OXR1: variants seen among roughly 807,000 people sequenced by gnomAD.
OXR1 encodes the protein oxidation resistance protein 1.
OXR1 carries 41 observed loss-of-function variants against 104.6 expected under a neutral mutation model. The ratio of observed to expected loss-of-function variants is 0.39; its 90% confidence interval spans 0.31 to 0.51. OXR1 has a LOEUF of 0.51. Among genes scored for constraint, OXR1 ranks in the 20% least tolerant of loss-of-function variants. The pLI is 0.77. For missense variants in OXR1, 955 were observed against 1,031.9 expected, an observed-to-expected ratio of 0.93 and a Z score of 1.02; for synonymous variants, 348 against 348.4, an observed-to-expected ratio of 1.00 and a Z score of 0.01.
chr8:106,431,844 A>G (rs1819372523), intron 2 of OXR1, among the ~76,000 whole-genome samples: 1 of 152,244 alleles, frequency 6.6e-6, no homozygotes, highest in Non-Finnish European at 1.5e-5. Flanking sequence ...TACAAAGGTA[A>G]TAAAGCAAAC....
At chr8:106,692,295 T>C (rs1244909528) in intron 6 of OXR1, among the ~76,000 whole-genome samples, 1 of 152,016 alleles carries the variant, frequency 6.6e-6, no homozygotes, top group Non-Finnish European at 1.5e-5. Flanking sequence ...TAAGGTAAGC[T>C]TTCCACCTTT....
chr8:106,679,662 TAAAAG>T (rs1244596369), intron 4 of OXR1, among the ~76,000 whole-genome samples: 1 of 152,006 alleles, frequency 6.6e-6, no homozygotes, highest in Non-Finnish European at 1.5e-5. Context: ...ATGGGATACA[TAAAAG>T]AAAAGTTGAT....
chr8:106,742,446 A>G, intron 15 of OXR1, 129 bp downstream of exon 15: 2 of 585,438 alleles, frequency 3.4e-6, no homozygotes, highest in Admixed American at 3.6e-5. Context: ...AGGAAAAACT[A>G]TTTTAAAGTT....
chr8:106,597,922 G>A (rs1428941646), intron 3 of OXR1, among the ~76,000 whole-genome samples: 1 of 152,014 alleles, frequency 6.6e-6, no homozygotes, highest in Non-Finnish European at 1.5e-5. Context: ...TCCCTTTCTT[G>A]CCTTTGGACT....
intron 3 of OXR1, among the ~76,000 whole-genome samples, chr8:106,613,679 G>A (rs1586898917): frequency 1.3e-5 from 2 of 152,282 alleles, no homozygotes; most frequent in South Asian, 2.1e-4. Context: ...GATTACAGGC[G>A]TGAGCCACTG....
At position 106,425,083 on chromosome 8, in the gene OXR1, G is replaced by GTT. The variant is rs748444311; in HGVS notation, c.23+65472_23+65473dup. The stretch of plus-strand genomic sequence containing the variant: ...TTAGCAGGGTTTTTTGTTTGGTTTG[G>GTT]TTTTTTTTTTTTTTTTTTTTTTTTT... On this transcript the variant is annotated intron_variant, in intron 2 of 16. Transcript: ENST00000517566. Among the ~76,000 whole-genome samples the GTT allele has an allele frequency of 1.8e-3, 151 of 83,644 alleles. 5 individuals carry two copies. The highest frequency in any genetic ancestry group is 2.9e-3 in the Admixed American group (21 of 7,168). 54.9% of individuals were successfully genotyped at this position (83,644 alleles called of 152,430 possible).
chr8:106,399,127 C>T (rs1307737643), intron 2 of OXR1, among the ~76,000 whole-genome samples: 1 of 152,128 alleles, frequency 6.6e-6, no homozygotes, highest in Admixed American at 6.6e-5. Flanking sequence ...GAAGTAACTA[C>T]CACTTAGACA....
intron 1 of OXR1, among the ~76,000 whole-genome samples, chr8:106,294,468 C>T (rs1362687107): frequency 6.6e-6 from 1 of 150,730 alleles, no homozygotes; most frequent in South Asian, 2.1e-4. Context: ...GGTTAGCTGT[C>T]TCAGGGTTCT....
chr8:106,508,402 A>T (rs1031508710), intron 2 of OXR1, among the ~76,000 whole-genome samples: 7 of 152,192 alleles, frequency 4.6e-5, no homozygotes, highest in African/African-American at 1.7e-4. Flanking sequence ...TATTGGGAGC[A>T]CTACATAGCT....
At chr8:106,351,802 C>G (rs1815736982) in intron 1 of OXR1, among the ~76,000 whole-genome samples, 1 of 152,296 alleles carries the variant, frequency 6.6e-6, no homozygotes, top group African/African-American at 2.4e-5. Flanking sequence ...ATTGTATGAA[C>G]TCACTATGTG....
intron 1 of OXR1, among the ~76,000 whole-genome samples, chr8:106,326,597 A>G (rs1190106998): frequency 6.6e-6 from 1 of 152,242 alleles, no homozygotes; most frequent in Non-Finnish European, 1.5e-5. Context: ...TACAGTTGTC[A>G]AGGGAGGACT....
intron 2 of OXR1, among the ~76,000 whole-genome samples, chr8:106,363,767 T>C (rs934842222): frequency 3.3e-5 from 5 of 152,266 alleles, no homozygotes; most frequent in Middle Eastern, 6.8e-3. Context: ...TTTTATACGA[T>C]TGTAAATATT....
intron 1 of OXR1, among the ~76,000 whole-genome samples, chr8:106,348,706 A>G (rs1278582525): frequency 6.6e-6 from 1 of 152,218 alleles, no homozygotes; most frequent in Admixed American, 6.5e-5. Context: ...AGTACAATAA[A>G]GTACACCTGA....
intron 3 of OXR1, among the ~76,000 whole-genome samples, chr8:106,573,243 C>T (rs1817597802): frequency 6.6e-6 from 1 of 151,872 alleles, no homozygotes; most frequent in South Asian, 2.1e-4. Context: ...CAAGAACCAC[C>T]CCACCCCTGC....
At chr8:106,302,308 C>A (rs902046532) in intron 1 of OXR1, among the ~76,000 whole-genome samples, 1 of 152,096 alleles carries the variant, frequency 6.6e-6, no homozygotes, top group East Asian at 1.9e-4. Flanking sequence ...ATCAGCCGAG[C>A]GCGGTGGCTC....
intron 3 of OXR1, among the ~76,000 whole-genome samples, chr8:106,521,345 G>A (rs1257965755): frequency 6.6e-6 from 1 of 152,132 alleles, no homozygotes; most frequent in Non-Finnish European, 1.5e-5. Context: ...ACAGGTAAGT[G>A]TTACACCCTA....
chr8:106,533,881 T>C (rs964714203), intron 3 of OXR1, among the ~76,000 whole-genome samples: 4 of 151,946 alleles, frequency 2.6e-5, no homozygotes, highest in Non-Finnish European at 4.4e-5. Context: ...CTGACTAATT[T>C]TGAATTTTTT....
intron 10 of OXR1, among the ~76,000 whole-genome samples, chr8:106,712,615 AT>A (rs1831816927): frequency 6.6e-6 from 1 of 152,022 alleles, no homozygotes; most frequent in Non-Finnish European, 1.5e-5. Context: ...AAATCTTTAT[AT>A]GTTGCTTTGG....
chr8:106,507,286 A>C (rs1312226222), intron 2 of OXR1, among the ~76,000 whole-genome samples: 2 of 152,114 alleles, frequency 1.3e-5, no homozygotes, highest in African/African-American at 4.8e-5. Context: ...CCTATAGACT[A>C]TTGAGTTGAG....
Sources: allele counts gnomAD v4.1 joint callset (sites outside exome capture counted in the v4.1 genomes callset), GRCh38; gene constraint gnomAD v4.1.1; transcripts MANE v1.5; gene names NCBI Gene and HGNC (gene_info 2026-07-23, HGNC 2026-07-21).